NRG3: variants seen among roughly 807,000 people sequenced by gnomAD.
NRG3 encodes pro-neuregulin-3, membrane-bound isoform.
NRG3 carries 31 observed loss-of-function variants against 66.9 expected under a neutral mutation model. The observed-to-expected ratio is 0.46, with a 90% CI of 0.35 to 0.63. The LOEUF is 0.63. NRG3 is among the 20% of genes least tolerant of loss of function. The pLI, the probability that NRG3 is intolerant of heterozygous loss-of-function variation, is 0.00. For missense variants in NRG3, 910 were observed against 878.9 expected, an observed-to-expected ratio of 1.04 and a Z score of -0.45; for synonymous variants, 393 against 359.4, an observed-to-expected ratio of 1.09 and a Z score of -1.06.
intron 2 of NRG3, among the ~76,000 whole-genome samples, chr10:82,519,167 G>T (rs1043556948): frequency 2.6e-5 from 4 of 152,166 alleles, no homozygotes; most frequent in African/African-American, 9.7e-5. Flanking sequence ...CTGATCAAAT[G>T]GATCCTCATC....
intron 1 of NRG3, among the ~76,000 whole-genome samples, chr10:82,138,019 A>G (rs980740778): frequency 7.9e-5 from 12 of 152,176 alleles, no homozygotes; most frequent in Non-Finnish European, 1.2e-4. Flanking sequence ...CAAAGAGAGT[A>G]ATCAGTTTTC....
intron 1 of NRG3, among the ~76,000 whole-genome samples, chr10:82,104,793 A>G: frequency 6.6e-6 from 1 of 152,220 alleles, no homozygotes; most frequent in East Asian, 1.9e-4. Context: ...ATGTGCATAT[A>G]CACATGTAAA....
chr10:81,950,498 T>C (rs187667500), intron 1 of NRG3, among the ~76,000 whole-genome samples: 14 of 152,302 alleles, frequency 9.2e-5, no homozygotes, highest in African/African-American at 2.6e-4. Context: ...ACTCACCCTG[T>C]GTTCTTCCTA....
Position 82,985,227 on chromosome 10 carries a change from C to A in NRG3, c.1713C>A (p.Ala571=). The change falls in exon 9 of 9, where the codon GCC becomes GCA. Residue 571 remains alanine, a synonymous_variant. Transcript: ENST00000372141. The part of the protein sequence containing the change: ...KDLVGYSSTR[A]SSVPIIPSVG... The stretch of plus-strand genomic sequence containing the variant: ...TGGTGGGCTATTCATCCACAAGGGC[C>A]AGTTCTGTGCCCATCATCCCTTCAG... The A allele has an allele frequency of 2.5e-6, 4 of 1,614,140 alleles. No individual in the cohort carries two copies. The South Asian group carries it at 4.4e-5, about 18-fold the overall frequency.
chr10:82,276,460 T>C (rs887230824), intron 1 of NRG3, among the ~76,000 whole-genome samples: 3 of 152,016 alleles, frequency 2.0e-5, no homozygotes, highest in African/African-American at 7.2e-5. Flanking sequence ...GGCTGACATG[T>C]TTATAAATCC....
chr10:81,940,515 G>GTTTATT (rs1194623704), intron 1 of NRG3, among the ~76,000 whole-genome samples: 1 of 151,808 alleles, frequency 6.6e-6, no homozygotes, highest in African/African-American at 2.4e-5. Flanking sequence ...TCAGCTGATG[G>GTTTATT]TTTATTTTTA....
At chr10:81,945,009 C>T (rs1848726818) in intron 1 of NRG3, among the ~76,000 whole-genome samples, 1 of 152,100 alleles carries the variant, frequency 6.6e-6, no homozygotes, top group South Asian at 2.1e-4. Context: ...GTGCCCACCC[C>T]TGGGATGATC....
intron 2 of NRG3, among the ~76,000 whole-genome samples, chr10:82,448,809 T>TTTG (rs2090874546): frequency 6.6e-6 from 1 of 152,182 alleles, no homozygotes; most frequent in Admixed American, 6.5e-5. Context: ...TACATAATTG[T>TTTG]CTATAATTCA....
intron 1 of NRG3, among the ~76,000 whole-genome samples, chr10:81,936,257 A>C (rs1039942074): frequency 8.5e-5 from 13 of 152,176 alleles, no homozygotes; most frequent in Admixed American, 8.5e-4. Context: ...TTTCACTCGG[A>C]GTAACTTGGA....
chr10:82,011,849 A>C (rs1324367381), intron 1 of NRG3, among the ~76,000 whole-genome samples: 1 of 152,166 alleles, frequency 6.6e-6, no homozygotes, highest in East Asian at 1.9e-4. Flanking sequence ...GTGGCTTTGC[A>C]GCATTTATCC....
chr10:82,343,123 C>T (rs1045322080), intron 1 of NRG3, among the ~76,000 whole-genome samples: 9 of 151,680 alleles, frequency 5.9e-5, no homozygotes, highest in African/African-American at 2.2e-4. Flanking sequence ...GCTGTAGTAA[C>T]CAAAACAGTA....
rs35702929 is a variant in NRG3, at chr10:82,103,973, C to CT, written c.823+227823dup. ...TCTACTAGAAAGATTTTTCTCGTGCCTTTTTTTTTTTTTAATTTTTATACC... is the reference window on the plus strand; with the variant it reads ...TCTACTAGAAAGATTTTTCTCGTGCCTTTTTTTTTTTTTTAATTTTTATACC... On this transcript the variant is annotated intron_variant, in intron 1 of 8. Transcript: ENST00000372141. Among the ~76,000 whole-genome samples the CT allele has an allele frequency of 2.8e-3, 407 of 143,716 alleles. 1 individual carries two copies. The highest frequency in any genetic ancestry group is 5.1e-3 in the African/African-American group (202 of 39,258). The allele number at this position is 143,716 out of a possible 152,430, so 94.3% of individuals were successfully genotyped here.
intron 1 of NRG3, among the ~76,000 whole-genome samples, chr10:81,932,853 A>G (rs1564668659): frequency 6.6e-6 from 1 of 152,136 alleles, no homozygotes; most frequent in Non-Finnish European, 1.5e-5. Context: ...TCATGCCTGT[A>G]ATCCCAGCAC....
intron 1 of NRG3, among the ~76,000 whole-genome samples, chr10:81,944,747 A>T (rs1454425328): frequency 6.6e-6 from 1 of 152,112 alleles, no homozygotes; most frequent in Non-Finnish European, 1.5e-5. Flanking sequence ...TTATAGGATG[A>T]ATGAAACTTC....
intron 3 of NRG3, among the ~76,000 whole-genome samples, chr10:82,799,052 A>G (rs1014748385): frequency 6.6e-6 from 1 of 152,198 alleles, no homozygotes; most frequent in Admixed American, 6.5e-5. Flanking sequence ...TATTTAGACA[A>G]TATGTAGTCA....
chr10:82,390,087 C>T lies in NRG3; in HGVS notation c.953+31219C>T, dbSNP rs370257060. 6.6e-5 allele frequency among the ~76,000 whole-genome samples: 10 copies of T among 152,230 alleles called. 1 individual carries two copies. Among genetic ancestry groups the T allele is most frequent in the African/African-American group, 2.4e-4 (10 of 41,554 alleles). ...TGAATTGAACATACCTACCTCAATGCGTTTTTATGGGAATAAAACAAGAGT... is the reference window on the plus strand; with the variant it reads ...TGAATTGAACATACCTACCTCAATGTGTTTTTATGGGAATAAAACAAGAGT... On this transcript the variant is annotated intron_variant, in intron 2 of 8. Transcript: ENST00000372141.
chr10:82,059,953 A>G (rs186311893), intron 1 of NRG3, among the ~76,000 whole-genome samples: 132 of 152,262 alleles, frequency 8.7e-4, no homozygotes, highest in South Asian at 1.7e-3. Context: ...CACAGGCAAA[A>G]CCACCTCTGC....
At chr10:82,185,708 G>A (rs894262625) in intron 1 of NRG3, among the ~76,000 whole-genome samples, 9 of 152,168 alleles carry the variant, frequency 5.9e-5, no homozygotes, top group African/African-American at 1.9e-4. Context: ...AACCTAGGGT[G>A]GACAAGCTGG....
At chr10:82,865,649 A>G (rs1366898208) in intron 4 of NRG3, among the ~76,000 whole-genome samples, 1 of 152,190 alleles carries the variant, frequency 6.6e-6, no homozygotes, top group Non-Finnish European at 1.5e-5. Flanking sequence ...TGTTAAATGC[A>G]GTGTCTGGAA....
Sources: gnomAD v4.1 joint callset for allele counts (sites outside exome capture counted in the v4.1 genomes callset) on GRCh38, gnomAD v4.1.1 for gene constraint, MANE v1.5 for transcripts, NCBI Gene and HGNC (gene_info 2026-07-23, HGNC 2026-07-21) for gene names.